The following ZNF33A variants were observed in gnomAD, a reference collection of about 807,000 sequenced individuals.
ZNF33A encodes zinc finger protein 33A, also known as brain my041 protein.
Under a neutral mutation model 15.9 loss-of-function variants are expected in ZNF33A, and 9 were observed. The observed-to-expected ratio is 0.57, with a 90% CI of 0.34 to 0.99. ZNF33A has a LOEUF of 0.99. ZNF33A is among the 50% of genes least tolerant of loss of function. The pLI, the probability that ZNF33A is intolerant of heterozygous loss-of-function variation, is 0.02. For synonymous variants in ZNF33A, 294 were observed against 324.2 expected (o/e 0.91, Z 1.00); for missense variants, 843 against 941.6 (o/e 0.90, Z 1.37).
Position 38,060,007 on chromosome 10 carries a change from T to C in ZNF33A, c.*3447T>C, listed in dbSNP as rs939820476. The C allele has an allele frequency of 3.1e-6, 3 of 972,486 alleles. No individual in the cohort carries two copies. In the African/African-American group the frequency reaches 5.3e-5, roughly 17 times the overall value. 60.2% of individuals were successfully genotyped at this position (972,486 alleles called of 1,614,324 possible). ...GCTCAACTTTCTGTAACCCTAAAGC[T>C]ACTCTAAAAAATGAAGTGTATCAAG... On this transcript the variant is annotated 3_prime_UTR_variant, in exon 5 of 5. Transcript: ENST00000432900.
intron 1 of ZNF33A, 45 bp downstream of exon 1, chr10:38,010,828 C>T: frequency 2.5e-6 from 4 of 1,595,248 alleles, no homozygotes; most frequent in Non-Finnish European, 3.4e-6. Flanking sequence ...GAGCCCCGCG[C>T]GACTCCTGGG....
chr10:38,046,796 G>T (rs576171407), intron 4 of ZNF33A, among the ~76,000 whole-genome samples: 1 of 151,742 alleles, frequency 6.6e-6, no homozygotes, highest in South Asian at 2.1e-4. Context: ...AGACACGGAA[G>T]ATTTAAAAAA....
At chr10:38,062,635 G>A (rs2066668204), downstream of ZNF33A, among the ~76,000 whole-genome samples, 1 of 152,156 alleles carries the variant, frequency 6.6e-6, no homozygotes, top group South Asian at 2.1e-4. Context: ...TTGAGCCCAG[G>A]AGTTCAAGGC....
Position 38,012,298 on chromosome 10 carries a change from C to G in ZNF33A, c.-44C>G. ...CCCCATTCCTCTTTTTCTAACTCAG[C>G]TGTATCTTCAGAGTTGTCTCCGTCT... On this transcript the variant is annotated splice_region_variant and 5_prime_UTR_variant, in exon 2 of 5. Coordinates refer to ENST00000432900, the MANE Select transcript of ZNF33A (RefSeq NM_006954.2). 6.2e-7 allele frequency: 1 copy of G among 1,610,096 alleles called. No homozygotes were observed. The highest frequency in any genetic ancestry group is 8.5e-7 in the Non-Finnish European group (1 of 1,178,964).
chr10:38,010,784 G>C lies in ZNF33A; in HGVS notation c.-45+1G>C. On this transcript the variant is annotated splice_donor_variant, in intron 1 of 4. Coordinates refer to ENST00000432900, the MANE Select transcript of ZNF33A (RefSeq NM_006954.2). LOFTEE classifies it low-confidence loss of function (5UTR_SPLICE). ...GAATGCAACCCGACGAGGGAGTGGG[G>C]TAAGCCCCAGTGGGTTGGGCAGGGA... is the stretch of plus-strand genomic sequence containing the variant. 6.3e-7 allele frequency: 1 copy of C among 1,598,466 alleles called. No homozygotes were observed. Among genetic ancestry groups the C allele is most frequent in the Non-Finnish European group, 8.5e-7 (1 of 1,179,810 alleles).
rs1288418917 is a variant in ZNF33A, at chr10:38,010,728, G to A, written c.-100G>A. The A allele has an allele frequency of 3.1e-6, 5 of 1,598,306 alleles. No homozygotes were observed. The highest frequency in any genetic ancestry group is 1.6e-4 in the Middle Eastern group (1 of 6,082). ...GGTTTTGCGTGGGAGGCGGTCCCGG[G>A]ATTTCAAGGGTCTACGCGCTTTTCT... is the stretch of plus-strand genomic sequence containing the variant. On this transcript the variant is annotated 5_prime_UTR_variant, in exon 1 of 5. Coordinates refer to ENST00000432900, the MANE Select transcript of ZNF33A (RefSeq NM_006954.2).
At chr10:38,064,647 A>T (rs372062561), downstream of ZNF33A, 896 of 152,528 alleles carry the variant, frequency 5.9e-3, 6 homozygotes, top group Non-Finnish European at 6.8e-3. Context: ...AGCTGGCCAA[A>T]GGGTGTGTGT....
At chr10:38,023,514 T>C (rs938369474) in intron 4 of ZNF33A, among the ~76,000 whole-genome samples, 9 of 152,132 alleles carry the variant, frequency 5.9e-5, no homozygotes, top group Admixed American at 4.6e-4. Context: ...GAAGAAAAAT[T>C]ACATAACATC....
chr10:38,025,101 A>C (rs1197467366), intron 4 of ZNF33A, among the ~76,000 whole-genome samples: 1 of 152,220 alleles, frequency 6.6e-6, no homozygotes. Context: ...ATTTAGGAAA[A>C]AACATAGTAT....
intron 4 of ZNF33A, among the ~76,000 whole-genome samples, chr10:38,041,091 T>C (rs2065677585): frequency 6.6e-6 from 1 of 152,150 alleles, no homozygotes; most frequent in Non-Finnish European, 1.5e-5. Flanking sequence ...CCTTTTACTT[T>C]TGCTTTCTTT....
chr10:38,026,765 C>T (rs902752208), intron 4 of ZNF33A, among the ~76,000 whole-genome samples: 4 of 152,144 alleles, frequency 2.6e-5, no homozygotes, highest in Non-Finnish European at 4.4e-5. Context: ...ACTTTATTTT[C>T]TTGTGGAAAT....
In ZNF33A at chr10:38,058,417, A is replaced by G. The variant is rs910019807; in HGVS notation, c.*1857A>G. 6.6e-6 allele frequency: 1 copy of G among 152,208 alleles called. No homozygotes were observed. The highest frequency in any genetic ancestry group is 2.4e-5 in the African/African-American group (1 of 41,448). The allele number at this position is 152,208 out of a possible 1,614,324, so 9.4% of individuals were successfully genotyped here. On this transcript the variant is annotated 3_prime_UTR_variant, in exon 5 of 5. Transcript: ENST00000432900. ...CAAGACGCATTCTCTCAAAGCTCAC[A>G]CAAGATAGACCTCAATAGGCATATG...
chr10:38,024,014 C>T lies in ZNF33A; in HGVS notation c.250+6628C>T, dbSNP rs371796082. 1.5e-4 allele frequency among the ~76,000 whole-genome samples: 23 copies of T among 151,614 alleles called. No individual in the cohort carries two copies. In the East Asian group the frequency reaches 2.1e-3, roughly 14 times the overall value. On this transcript the variant is annotated intron_variant, in intron 4 of 4. Transcript: ENST00000432900. Reference sequence around the variant, plus strand: ...TCTCTACTAAAAATACAAAATTAGCCGGGTGTGGTGGTGCATGCCTGTAAT... The same window carrying T: ...TCTCTACTAAAAATACAAAATTAGCTGGGTGTGGTGGTGCATGCCTGTAAT...
intron 4 of ZNF33A, among the ~76,000 whole-genome samples, chr10:38,044,519 G>T (rs891282334): frequency 6.6e-6 from 1 of 151,676 alleles, no homozygotes; most frequent in South Asian, 2.1e-4. Context: ...CCAATCTTTT[G>T]TTGAGTCATT....
chr10:38,060,278 C>T (rs370275738), downstream of ZNF33A, among the ~76,000 whole-genome samples: 24 of 152,236 alleles, frequency 1.6e-4, no homozygotes, highest in African/African-American at 5.3e-4. Context: ...CATTTCCATC[C>T]CCACTCTGCT....
chr10:38,046,749 T>G (rs1017598101), intron 4 of ZNF33A, among the ~76,000 whole-genome samples: 2 of 152,146 alleles, frequency 1.3e-5, no homozygotes, highest in African/African-American at 4.8e-5. Flanking sequence ...GAAAATAGTA[T>G]TATAATTGGA....
Position 38,010,728 on chromosome 10 carries a change from G to T in ZNF33A, c.-100G>T, listed in dbSNP as rs1288418917. The T allele has an allele frequency of 6.3e-7, 1 of 1,598,424 alleles. No homozygotes were observed. The highest frequency in any genetic ancestry group is 1.1e-5 in the South Asian group (1 of 91,090). ...GGTTTTGCGTGGGAGGCGGTCCCGG[G>T]ATTTCAAGGGTCTACGCGCTTTTCT... is the stretch of plus-strand genomic sequence containing the variant. On this transcript the variant is annotated 5_prime_UTR_variant, in exon 1 of 5. Transcript: ENST00000432900.
downstream of ZNF33A, chr10:38,060,156 T>C (rs2066638014): frequency 1.2e-6 from 1 of 858,176 alleles, no homozygotes; most frequent in Non-Finnish European, 1.4e-6. Context: ...TGAATTGCTT[T>C]TGTACATCCT....
chr10:38,041,053 C>T lies in ZNF33A; in HGVS notation c.251-13322C>T, dbSNP rs549411673. Among the ~76,000 whole-genome samples, 25 of 152,186 alleles carry T rather than the reference C, an allele frequency of 1.6e-4. No homozygotes were observed. In the East Asian group the frequency reaches 2.3e-3, roughly 14 times the overall value. On this transcript the variant is annotated intron_variant, in intron 4 of 4. Coordinates refer to ENST00000432900, the MANE Select transcript of ZNF33A (RefSeq NM_006954.2). ...GTTTTACCTCTGCCATTTTTGTTTT[C>T]GGTCTCCTGCTTTTTTGGTACTCTA...
Sources: gnomAD v4.1 joint callset for allele counts (sites outside exome capture counted in the v4.1 genomes callset) on GRCh38, gnomAD v4.1.1 for gene constraint, MANE v1.5 for transcripts, NCBI Gene and HGNC (gene_info 2026-07-23, HGNC 2026-07-21) for gene names.